Variants in ZFYVE9 observed in about 807,000 individuals in gnomAD.
The protein encoded by ZFYVE9 is zinc finger FYVE-type containing 9, also known as zinc finger FYVE domain-containing protein 9.
A neutral mutation model predicts 126.7 loss-of-function variants in ZFYVE9; 43 were observed. The ratio of observed to expected loss-of-function variants is 0.34; its 90% CI spans 0.27 to 0.44. The LOEUF is 0.44. Ranked by LOEUF, ZFYVE9 falls within the 20% of genes least tolerant of loss-of-function variation. The probability of loss-of-function intolerance (pLI) is 1.00; values close to 1 mark genes in which losing one functional copy is unlikely to be tolerated. For missense variants in ZFYVE9, 1,476 were observed against 1,697.0 expected (o/e 0.87, Z 2.29); for synonymous variants, 521 against 597.4 (o/e 0.87, Z 1.87).
At chr1:52,167,258 G>A (rs563000818) in intron 1 of ZFYVE9, among the ~76,000 whole-genome samples, 1 of 152,272 alleles carries the variant, frequency 6.6e-6, no homozygotes, top group South Asian at 2.1e-4. Context: ...GGCATAGGAT[G>A]TGCAGTGATC....
intron 1 of ZFYVE9, among the ~76,000 whole-genome samples, chr1:52,182,956 A>T (rs1203677490): frequency 6.6e-6 from 1 of 152,008 alleles, no homozygotes; most frequent in Non-Finnish European, 1.5e-5. Context: ...TGAATAAATT[A>T]AAAAAAATAA....
At chr1:52,287,848 C>T (rs1046502190) in intron 10 of ZFYVE9, among the ~76,000 whole-genome samples, 4 of 152,088 alleles carry the variant, frequency 2.6e-5, no homozygotes, top group Non-Finnish European at 5.9e-5. Context: ...GCTTGAGTGA[C>T]ACAGTGAGAC....
intron 1 of ZFYVE9, among the ~76,000 whole-genome samples, chr1:52,184,222 G>GAT (rs375204928): frequency 0.016 from 2,257 of 139,220 alleles, 65 homozygotes; most frequent in African/African-American, 0.053. Context: ...TATATATATA[G>GAT]ATATATATAT....
At chr1:52,245,364 G>T (rs1645374522) in intron 4 of ZFYVE9, among the ~76,000 whole-genome samples, 1 of 152,100 alleles carries the variant, frequency 6.6e-6, no homozygotes, top group African/African-American at 2.4e-5. Context: ...TTACAAAGCT[G>T]CAGATGCTCT....
intron 11 of ZFYVE9, among the ~76,000 whole-genome samples, 188 bp downstream of exon 11, chr1:52,293,865 T>A (rs369047192): frequency 1.3e-5 from 2 of 152,232 alleles, no homozygotes; most frequent in East Asian, 3.8e-4. Context: ...GGAAGTTGAT[T>A]ATGTATTACC....
intron 4 of ZFYVE9, among the ~76,000 whole-genome samples, chr1:52,240,003 A>T (rs894722474): frequency 5.3e-5 from 8 of 152,242 alleles, no homozygotes; most frequent in African/African-American, 1.9e-4. Flanking sequence ...TAAAAATTAC[A>T]TTTAATTGTT....
In ZFYVE9 at chr1:52,266,765, G is replaced by C. The variant is rs375161299; in HGVS notation, c.2389G>C (p.Ala797Pro). 53 of 1,611,828 alleles carry C rather than the reference G, an allele frequency of 3.3e-5. No homozygotes were observed. In the African/African-American group the frequency reaches 3.7e-4, roughly 11 times the overall value. The change falls in exon 6 of 19, where the codon GCT becomes CCT. Residue 797 changes from alanine to proline, a missense_variant. Transcript: ENST00000287727. The stretch of plus-strand genomic sequence containing the variant: ...CTTGCAGCAAGCTCAGGCCTCAGGA[G>C]CTCTGAGCTCTCCACCTCCCACTGT... ...PPLQQAQASG[A>P]LSSPPPTVMV...
At chr1:52,265,300 C>T (rs1361696216) in intron 5 of ZFYVE9, among the ~76,000 whole-genome samples, 1 of 152,154 alleles carries the variant, frequency 6.6e-6, no homozygotes, top group East Asian at 1.9e-4. Flanking sequence ...TTCCTCCCCT[C>T]TTTCTGCCAG....
chr1:52,193,945 T>C (rs1455756530), intron 1 of ZFYVE9, among the ~76,000 whole-genome samples: 1 of 152,114 alleles, frequency 6.6e-6, no homozygotes, highest in Non-Finnish European at 1.5e-5. Flanking sequence ...AATTATGATA[T>C]GGTTATATTT....
At chr1:52,339,592 A>G (rs189223350) in intron 16 of ZFYVE9, among the ~76,000 whole-genome samples, 32 of 152,288 alleles carry the variant, frequency 2.1e-4, no homozygotes, top group Admixed American at 2.0e-3. Context: ...TGCCCAGCAA[A>G]TGATTCTTAA....
intron 1 of ZFYVE9, among the ~76,000 whole-genome samples, chr1:52,202,441 C>T (rs574769493): frequency 6.6e-5 from 10 of 151,538 alleles, no homozygotes; most frequent in East Asian, 2.0e-4. Context: ...CACTACCGTC[C>T]GGCTAATTTT....
At position 52,272,570 on chromosome 1, in the gene ZFYVE9, G is replaced by T. The variant is rs183181701; in HGVS notation, c.2626-1894G>T. ...ATTTATTTCTGAGTAGTATTCCATT[G>T]TATGGATATGCCATCATTTATGTTA... On this transcript the variant is annotated intron_variant, in intron 7 of 18. Transcript: ENST00000287727. Among the ~76,000 whole-genome samples, 20 of 151,644 alleles carry T rather than the reference G, an allele frequency of 1.3e-4. No homozygotes were observed. In the East Asian group the frequency reaches 3.1e-3, roughly 23 times the overall value.
At chr1:52,322,368 T>G (rs1341547496) in intron 13 of ZFYVE9, among the ~76,000 whole-genome samples, 2 of 148,732 alleles carry the variant, frequency 1.3e-5, no homozygotes, top group Admixed American at 1.3e-4. Context: ...GCAGCCTAAG[T>G]GGTCTTTTCT....
chr1:52,293,343 C>A, intron 10 of ZFYVE9, 110 bp from the exon 11 acceptor site: 1 of 927,490 alleles, frequency 1.1e-6, no homozygotes, highest in Non-Finnish European at 1.5e-6. Flanking sequence ...TGCGCCACTG[C>A]ACTCCAGCCT....
At chr1:52,205,883 A>G (rs1242542711) in intron 1 of ZFYVE9, among the ~76,000 whole-genome samples, 4 of 152,200 alleles carry the variant, frequency 2.6e-5, no homozygotes, top group Non-Finnish European at 5.9e-5. Flanking sequence ...GATCCGAAAT[A>G]TAAGACCCAT....
intron 13 of ZFYVE9, among the ~76,000 whole-genome samples, chr1:52,313,482 T>C (rs1252391831): frequency 6.6e-6 from 1 of 152,174 alleles, no homozygotes; most frequent in Admixed American, 6.6e-5. Context: ...CAGAAGTGTT[T>C]TAAAAATTCA....
At chr1:52,219,172 G>C (rs750094548) in intron 2 of ZFYVE9, among the ~76,000 whole-genome samples, 5 of 152,084 alleles carry the variant, frequency 3.3e-5, no homozygotes, top group African/African-American at 9.7e-5. Context: ...ATGGGGGGCA[G>C]AGGTACTTTT....
chr1:52,317,773 TAGAC>T (rs975938455), intron 13 of ZFYVE9, among the ~76,000 whole-genome samples: 6 of 152,314 alleles, frequency 3.9e-5, no homozygotes, highest in African/African-American at 1.4e-4. Flanking sequence ...ACAGGTCCGA[TAGAC>T]AGTATGAACA....
intron 1 of ZFYVE9, among the ~76,000 whole-genome samples, chr1:52,201,759 T>A (rs920552907): frequency 6.6e-5 from 10 of 151,436 alleles, no homozygotes; most frequent in African/African-American, 2.4e-4. Context: ...AAAGCAATTT[T>A]TAAAAAAAAA....
Sources: allele counts gnomAD v4.1 joint callset (sites outside exome capture counted in the v4.1 genomes callset), GRCh38; gene constraint gnomAD v4.1.1; transcripts MANE v1.5; gene names NCBI Gene and HGNC (gene_info 2026-07-23, HGNC 2026-07-21).